The following ANO3 variants were observed in gnomAD, a reference collection of about 807,000 sequenced individuals.
ANO3 encodes anoctamin-3.
A neutral mutation model predicts 144.8 loss-of-function variants in ANO3; 99 were observed. The observed-to-expected ratio is 0.68, with a 90% CI of 0.58 to 0.81. ANO3 has a LOEUF of 0.81. ANO3 is among the 30% of genes least tolerant of loss of function. The probability of loss-of-function intolerance (pLI) is 0.00; values close to 1 mark genes in which losing one functional copy is unlikely to be tolerated. For missense variants in ANO3, 905 were observed against 1,202.2 expected (o/e 0.75, Z 3.66); for synonymous variants, 414 against 392.6 (o/e 1.05, Z -0.64).
chr11:26,641,626 A>C (rs1489817970), intron 21 of ANO3, among the ~76,000 whole-genome samples: 1 of 152,176 alleles, frequency 6.6e-6, no homozygotes, highest in African/African-American at 2.4e-5. Context: ...AATTATGTAG[A>C]TATTTATAGG....
chr11:26,486,377 A>AAAG lies in ANO3; in HGVS notation c.433-21726_433-21724dup, dbSNP rs1554960848. Among the ~76,000 whole-genome samples the AAAG allele has an allele frequency of 4.1e-3, 617 of 149,724 alleles. 11 individuals carry two copies. The highest frequency in any genetic ancestry group is 0.015 in the African/African-American group (583 of 39,952). ...CTCTGTCTCAAAAAAAAAAAAAAAA[A>AAAG]AAGGAAGTCAAAATACCTAAAAATA... is the stretch of plus-strand genomic sequence containing the variant. On this transcript the variant is annotated intron_variant, in intron 4 of 26. Transcript: ENST00000256737.
intron 1 of ANO3, among the ~76,000 whole-genome samples, chr11:26,433,537 T>C (rs1477258685): frequency 7.9e-5 from 12 of 152,204 alleles, no homozygotes; most frequent in African/African-American, 2.4e-5. Context: ...GGGTTTGTCA[T>C]AGATGGCTCT....
chr11:26,407,074 G>GTATATATA (rs1366416693), intron 1 of ANO3, among the ~76,000 whole-genome samples: 3 of 101,634 alleles, frequency 3.0e-5, no homozygotes, highest in African/African-American at 9.3e-5. Flanking sequence ...GTGTGTGTGT[G>GTATATATA]TGTATATATA....
intron 6 of ANO3, among the ~76,000 whole-genome samples, chr11:26,522,869 AT>A (rs148772534): frequency 2.0e-5 from 3 of 152,254 alleles, no homozygotes; most frequent in East Asian, 3.9e-4. Context: ...GGGAAATCTC[AT>A]TTTTTTTAAT....
chr11:26,655,168 G>A (rs910705759), intron 24 of ANO3, among the ~76,000 whole-genome samples: 3 of 152,070 alleles, frequency 2.0e-5, no homozygotes, highest in Non-Finnish European at 2.9e-5. Context: ...GGCTGCCCAA[G>A]AACTTAGCAA....
intron 26 of ANO3, among the ~76,000 whole-genome samples, chr11:26,659,184 A>ATACT (rs35514891): frequency 0.51 from 77,332 of 151,210 alleles, 20,783 homozygotes; most frequent in South Asian, 0.71. Context: ...TATTCATTTA[A>ATACT]TACTTATGCC....
At chr11:26,399,854 C>T (rs552878296) in intron 1 of ANO3, among the ~76,000 whole-genome samples, 3 of 152,120 alleles carry the variant, frequency 2.0e-5, no homozygotes, top group Admixed American at 6.6e-5. Flanking sequence ...TGTTTCTTTG[C>T]TTCACGGTAT....
intron 1 of ANO3, among the ~76,000 whole-genome samples, chr11:26,194,796 C>T (rs1353277433): frequency 6.6e-6 from 1 of 152,050 alleles, no homozygotes; most frequent in Non-Finnish European, 1.5e-5. Flanking sequence ...AAACTCCTGA[C>T]CTCAGGTGAT....
chr11:26,476,359 T>G (rs1859969194), intron 4 of ANO3, among the ~76,000 whole-genome samples: 1 of 151,928 alleles, frequency 6.6e-6, no homozygotes, highest in Non-Finnish European at 1.5e-5. Context: ...AAATGAAAGA[T>G]GAGAAGTCAA....
intron 7 of ANO3, among the ~76,000 whole-genome samples, chr11:26,528,140 G>A (rs1849212589): frequency 6.6e-6 from 1 of 152,050 alleles, no homozygotes. Flanking sequence ...TACACTGGTG[G>A]CATGGTGATG....
chr11:26,358,526 C>A (rs755109722), intron 1 of ANO3, among the ~76,000 whole-genome samples: 23 of 152,008 alleles, frequency 1.5e-4, no homozygotes, highest in Non-Finnish European at 2.9e-4. Flanking sequence ...ATTGCCTATA[C>A]AGATTAATTT....
At chr11:26,197,177 T>A (rs1243949093) in intron 1 of ANO3, among the ~76,000 whole-genome samples, 1 of 152,046 alleles carries the variant, frequency 6.6e-6, no homozygotes, top group African/African-American at 2.4e-5. Flanking sequence ...ATCTTCATAC[T>A]CTCATCTCAC....
At chr11:26,516,718 G>A in intron 5 of ANO3, 109 bp from the exon 6 acceptor site, 1 of 603,844 alleles carries the variant, frequency 1.7e-6, no homozygotes, top group Non-Finnish European at 2.8e-6. Flanking sequence ...CAGTGTCAGT[G>A]ATCATGCATA....
At chr11:26,264,338 C>T (rs1853259341) in intron 1 of ANO3, among the ~76,000 whole-genome samples, 3 of 152,166 alleles carry the variant, frequency 2.0e-5, no homozygotes, top group African/African-American at 7.2e-5. Flanking sequence ...TATCAAACCA[C>T]ATACTTAGGT....
chr11:26,529,016 A>G (rs1467155363), intron 7 of ANO3, among the ~76,000 whole-genome samples: 2 of 142,042 alleles, frequency 1.4e-5, no homozygotes, highest in Non-Finnish European at 3.0e-5. Flanking sequence ...GGCAAAGGAA[A>G]AATCCAGACT....
chr11:26,407,405 A>G (rs1857317544), intron 1 of ANO3, among the ~76,000 whole-genome samples: 1 of 151,712 alleles, frequency 6.6e-6, no homozygotes, highest in Non-Finnish European at 1.5e-5. Context: ...ATATCATTGG[A>G]ACATATTCTA....
At chr11:26,484,778 C>T (rs994782951) in intron 4 of ANO3, among the ~76,000 whole-genome samples, 3 of 152,204 alleles carry the variant, frequency 2.0e-5, no homozygotes, top group African/African-American at 7.2e-5. Flanking sequence ...TTGTACCCTG[C>T]AGAGCCACTG....
At chr11:26,473,967 T>A (rs1245414748) in intron 4 of ANO3, 5 of 985,046 alleles carry the variant, frequency 5.1e-6, no homozygotes, top group Non-Finnish European at 6.0e-6. Flanking sequence ...ATGCTTTGTG[T>A]AGCACTCAGT....
chr11:26,228,067 C>T (rs1345997183), intron 1 of ANO3, among the ~76,000 whole-genome samples: 1 of 152,160 alleles, frequency 6.6e-6, no homozygotes, highest in African/African-American at 2.4e-5. Context: ...ACAGTGTGTG[C>T]TAACCTACTG....
Sources: gnomAD v4.1 joint callset for allele counts (sites outside exome capture counted in the v4.1 genomes callset) on GRCh38, gnomAD v4.1.1 for gene constraint, MANE v1.5 for transcripts, NCBI Gene and HGNC (gene_info 2026-07-23, HGNC 2026-07-21) for gene names.